The following STXBP4 variants were observed in gnomAD, a reference collection of about 807,000 sequenced individuals.
The protein encoded by STXBP4 is syntaxin binding protein 4.
STXBP4 carries 55 observed loss-of-function variants against 76.1 expected under a neutral mutation model. The ratio of observed to expected loss-of-function variants is 0.72; its 90% CI spans 0.58 to 0.91. STXBP4 has a LOEUF of 0.91. Among genes scored for constraint, STXBP4 ranks in the 40% least tolerant of loss-of-function variants. The pLI is 0.00. For synonymous variants in STXBP4, 201 were observed against 220.2 expected (o/e 0.91, Z 0.77); for missense variants, 618 against 636.9 (o/e 0.97, Z 0.32).
intron 8 of STXBP4, among the ~76,000 whole-genome samples, chr17:55,015,063 CTGAG>C (rs2078180870): frequency 6.6e-6 from 1 of 152,174 alleles, no homozygotes; most frequent in Admixed American, 6.5e-5. Context: ...CTGCAGCTGA[CTGAG>C]TGATAAACTT....
chr17:54,982,844 A>G, intron 1 of STXBP4, among the ~76,000 whole-genome samples: 1 of 152,152 alleles, frequency 6.6e-6, no homozygotes, highest in East Asian at 1.9e-4. Context: ...AAAAGAGATA[A>G]CACATTACCA....
intron 16 of STXBP4, among the ~76,000 whole-genome samples, chr17:55,121,668 A>G (rs2079844886): frequency 6.6e-6 from 1 of 152,094 alleles, no homozygotes; most frequent in Non-Finnish European, 1.5e-5. Context: ...AGCCTGTTGT[A>G]TTAGAAACTG....
the STXBP4 span, among the ~76,000 whole-genome samples, chr17:55,180,040 G>A: frequency 6.6e-6 from 1 of 152,114 alleles, no homozygotes; most frequent in African/African-American, 2.4e-5. Flanking sequence ...GTCTGGTGGT[G>A]GAGTGAGAAA....
chr17:55,095,212 T>C (rs2079469189), intron 16 of STXBP4, among the ~76,000 whole-genome samples: 1 of 152,216 alleles, frequency 6.6e-6, no homozygotes, highest in Admixed American at 6.5e-5. Flanking sequence ...GCTTCTAAGA[T>C]TGTAGAAGGC....
chr17:55,203,029 A>T, the STXBP4 span, among the ~76,000 whole-genome samples: 1 of 152,170 alleles, frequency 6.6e-6, no homozygotes, highest in Non-Finnish European at 1.5e-5. Context: ...TGGAAGTTGT[A>T]TTTCCTGGCT....
intron 16 of STXBP4, among the ~76,000 whole-genome samples, chr17:55,086,566 G>T (rs1271501866): frequency 6.6e-6 from 1 of 151,988 alleles, no homozygotes; most frequent in East Asian, 1.9e-4. Flanking sequence ...TGTCCTTCCA[G>T]TCTCTAGTAC....
At chr17:55,206,853 C>G in the STXBP4 span, among the ~76,000 whole-genome samples, 1 of 54,198 alleles carries the variant, frequency 1.8e-5, no homozygotes, top group Non-Finnish European at 3.4e-5. Context: ...GAAACTCCGT[C>G]TCAGAAAAAA....
In STXBP4 at chr17:55,168,862, A is replaced by G. The variant is rs74708016; in HGVS notation, c.*8951A>G. On this transcript the variant is annotated 3_prime_UTR_variant, in exon 18 of 18. Transcript: ENST00000376352. ...CAACTCTGATGCTGGCACATTTTTT[A>G]TCTTGGCAAAAGGACTTAATAGAAA... is the stretch of plus-strand genomic sequence containing the variant. 3 of 152,164 alleles carry G rather than the reference A, an allele frequency of 2.0e-5. No homozygotes were observed. Among genetic ancestry groups the G allele is most frequent in the East Asian group, 1.9e-4 (1 of 5,190 alleles). 9.4% of individuals were successfully genotyped at this position (152,164 alleles called of 1,614,324 possible). A position where few individuals can be genotyped will look rare whatever the true frequency, so the allele number is the denominator to read the frequency against.
In STXBP4 at chr17:55,047,151, A is replaced by G; in HGVS notation, c.1008A>G (p.Lys336=). The G allele has an allele frequency of 6.3e-7, 1 of 1,596,184 alleles. No homozygotes were observed. Among genetic ancestry groups the G allele is most frequent in the Non-Finnish European group, 8.6e-7 (1 of 1,165,080 alleles). Residue 336 remains lysine, a synonymous_variant, in exon 12 of 18, where the codon AAA becomes AAG. Transcript: ENST00000376352. Reference sequence around the variant, plus strand: ...TGACAGAAGAGCTCCAGAATGTGAAACAAGTAAGTATATGTATTGTGTATA... The same window carrying G: ...TGACAGAAGAGCTCCAGAATGTGAAGCAAGTAAGTATATGTATTGTGTATA... ...KQLTEELQNV[K]QEAKAVVEET... is the part of the protein sequence containing the mutation.
At position 55,068,095 on chromosome 17, in the gene STXBP4, A is replaced by G. The variant is rs74899497; in HGVS notation, c.1012-4805A>G. The stretch of plus-strand genomic sequence containing the variant: ...ATATATATTTTAACAAATCAGACTC[A>G]TAAGTCAAGGAAACTAGATATAACT... On this transcript the variant is annotated intron_variant, in intron 12 of 17. Coordinates refer to ENST00000376352, the MANE Select transcript of STXBP4 (RefSeq NM_178509.6). 1.7e-3 allele frequency among the ~76,000 whole-genome samples: 265 copies of G among 152,286 alleles called. 4 individuals carry two copies. In the East Asian group the frequency reaches 0.037, roughly 21 times the overall value.
chr17:55,122,091 A>T (rs2079850853), intron 16 of STXBP4, among the ~76,000 whole-genome samples: 1 of 152,068 alleles, frequency 6.6e-6, no homozygotes, highest in East Asian at 1.9e-4. Flanking sequence ...AATATGCCAC[A>T]TTTTTTTCTA....
chr17:55,007,108 C>T (rs2078023009), intron 7 of STXBP4, among the ~76,000 whole-genome samples: 1 of 152,070 alleles, frequency 6.6e-6, no homozygotes, highest in Non-Finnish European at 1.5e-5. Flanking sequence ...GAGGCTGAGG[C>T]AGGCAGATCA....
At chr17:55,073,819 G>T (rs2079149670) in intron 13 of STXBP4, among the ~76,000 whole-genome samples, 1 of 152,092 alleles carries the variant, frequency 6.6e-6, no homozygotes, top group African/African-American at 2.4e-5. Flanking sequence ...TGTAGAGACA[G>T]GGTTTCACCA....
At chr17:54,972,963 G>C (rs1423268364) in intron 1 of STXBP4, among the ~76,000 whole-genome samples, 1 of 152,118 alleles carries the variant, frequency 6.6e-6, no homozygotes, top group Non-Finnish European at 1.5e-5. Context: ...TAAATATGCT[G>C]CCCACTGGAC....
At chr17:55,111,844 G>A (rs543020377) in intron 16 of STXBP4, among the ~76,000 whole-genome samples, 3 of 152,258 alleles carry the variant, frequency 2.0e-5, no homozygotes, top group African/African-American at 7.2e-5. Flanking sequence ...CACCTGCCTG[G>A]AATGGTATTC....
chr17:55,029,197 A>G (rs2078465164), intron 8 of STXBP4, among the ~76,000 whole-genome samples: 1 of 152,114 alleles, frequency 6.6e-6, no homozygotes, highest in Non-Finnish European at 1.5e-5. Context: ...TTATGAAATC[A>G]TAAAATTGAG....
intron 12 of STXBP4, among the ~76,000 whole-genome samples, chr17:55,071,788 A>G (rs9900151): frequency 0.063 from 9,633 of 152,242 alleles, 934 homozygotes; most frequent in African/African-American, 0.22. Context: ...TTAGGCTCAA[A>G]CAAAAGCAAA....
At chr17:55,033,901 A>T (rs1567729326) in intron 9 of STXBP4, among the ~76,000 whole-genome samples, 1 of 152,188 alleles carries the variant, frequency 6.6e-6, no homozygotes, top group Non-Finnish European at 1.5e-5. Context: ...CTCATAATAC[A>T]AGGGTTGAAA....
chr17:55,012,205 T>C (rs2078128317), intron 8 of STXBP4, among the ~76,000 whole-genome samples: 1 of 152,158 alleles, frequency 6.6e-6, no homozygotes, highest in Non-Finnish European at 1.5e-5. Flanking sequence ...TGGTTACCTT[T>C]CCATTGGTTA....
Sources: allele counts gnomAD v4.1 joint callset (sites outside exome capture counted in the v4.1 genomes callset), GRCh38; gene constraint gnomAD v4.1.1; transcripts MANE v1.5; gene names NCBI Gene and HGNC (gene_info 2026-07-23, HGNC 2026-07-21).